SLC5A12: variants seen among roughly 807,000 people sequenced by gnomAD.
The protein encoded by SLC5A12 is solute carrier family 5 member 12, also known as sodium-coupled monocarboxylate transporter 2.
SLC5A12 carries 46 observed loss-of-function variants against 72.7 expected under a neutral mutation model. The observed-to-expected ratio is 0.63, with a 90% CI of 0.50 to 0.81. SLC5A12 has a LOEUF of 0.81. Ranked by LOEUF, SLC5A12 falls within the 30% of genes least tolerant of loss-of-function variation. The pLI is 0.00. For missense variants in SLC5A12, 683 were observed against 740.7 expected (o/e 0.92, Z 0.90); for synonymous variants, 275 against 264.4 (o/e 1.04, Z -0.39).
intron 9 of SLC5A12, among the ~76,000 whole-genome samples, chr11:26,689,165 G>A (rs1854606720): frequency 6.6e-6 from 1 of 151,782 alleles, no homozygotes; most frequent in Admixed American, 6.6e-5. Flanking sequence ...GGAGGCCTAG[G>A]CAGGCGGATC....
At chr11:26,686,635 C>A in intron 9 of SLC5A12, 91 bp from the exon 10 acceptor site, 1 of 1,151,504 alleles carries the variant, frequency 8.7e-7, no homozygotes, top group South Asian at 1.3e-5. Flanking sequence ...TGTCTCTGAT[C>A]CAAGCCCTTT....
chr11:26,674,603 A>G (rs1399109773), intron 13 of SLC5A12, among the ~76,000 whole-genome samples: 1 of 152,012 alleles, frequency 6.6e-6, no homozygotes, highest in Non-Finnish European at 1.5e-5. Context: ...GGATTTCACC[A>G]TGTTGGCCAA....
intron 9 of SLC5A12, among the ~76,000 whole-genome samples, chr11:26,689,572 A>G (rs1334768322): frequency 1.3e-5 from 2 of 152,188 alleles, no homozygotes; most frequent in Non-Finnish European, 2.9e-5. Context: ...TGAAGGTCAC[A>G]TATCCTGATA....
chr11:26,676,573 C>A (rs775108927), intron 13 of SLC5A12, among the ~76,000 whole-genome samples: 2 of 151,980 alleles, frequency 1.3e-5, no homozygotes, highest in African/African-American at 2.4e-5. Context: ...TATATACTGT[C>A]CTGATAATGG....
intron 4 of SLC5A12, among the ~76,000 whole-genome samples, chr11:26,706,704 T>C (rs930986069): frequency 2.6e-5 from 4 of 151,820 alleles, no homozygotes; most frequent in African/African-American, 9.7e-5. Context: ...AATTCAAGGA[T>C]GATAAAACAT....
chr11:26,693,055 T>C (rs1280961702), intron 8 of SLC5A12, among the ~76,000 whole-genome samples: 1 of 152,194 alleles, frequency 6.6e-6, no homozygotes, highest in Non-Finnish European at 1.5e-5. Context: ...GTATCAAGCA[T>C]ACAATGGTGA....
At chr11:26,693,366 A>G (rs536346360) in intron 8 of SLC5A12, among the ~76,000 whole-genome samples, 189 of 152,320 alleles carry the variant, frequency 1.2e-3, no homozygotes, top group African/African-American at 4.4e-3. Flanking sequence ...GAATGATATT[A>G]TAACAGTAAA....
chr11:26,671,169 T>C lies in SLC5A12; in HGVS notation c.1790A>G (p.His597Arg), dbSNP rs1013534791. 9.9e-6 allele frequency: 16 copies of C among 1,612,922 alleles called. No individual in the cohort carries two copies. Among genetic ancestry groups the C allele is most frequent in the South Asian group, 4.4e-5 (4 of 90,944 alleles). ...GTCCTTAGGATCATAGCCTGGAACA[T>C]GTACCAGGCTTTCTCTTCTGAGTCC... ...QNGLRRESLV[H>R]VPGYDPKDKS... Residue 597 changes from histidine to arginine, a missense_variant, in exon 15 of 15, where the codon CAT (histidine) becomes CGT (arginine). Coordinates refer to ENST00000396005, the MANE Select transcript of SLC5A12 (RefSeq NM_178498.4).
chr11:26,682,113 C>T (rs1321892951), intron 11 of SLC5A12, among the ~76,000 whole-genome samples: 1 of 151,696 alleles, frequency 6.6e-6, no homozygotes, highest in Non-Finnish European at 1.5e-5. Flanking sequence ...ACTCAGTTCT[C>T]TTATGGCATG....
At chr11:26,715,949 T>C (rs1701327062) in intron 1 of SLC5A12, among the ~76,000 whole-genome samples, 1 of 152,184 alleles carries the variant, frequency 6.6e-6, no homozygotes, top group Admixed American at 6.5e-5. Context: ...TGCAGAATTG[T>C]GAAAAACTAA....
intron 13 of SLC5A12, 51 bp downstream of exon 13, chr11:26,678,661 A>T: frequency 3.0e-6 from 4 of 1,325,458 alleles, no homozygotes; most frequent in Non-Finnish European, 4.3e-6. Context: ...CCACCAATGC[A>T]TGCATGAGCC....
intron 1 of SLC5A12, 123 bp from the exon 2 acceptor site, chr11:26,712,829 T>TA: frequency 4.3e-6 from 2 of 465,436 alleles, no homozygotes; most frequent in Non-Finnish European, 3.8e-6. Context: ...TTATGATATG[T>TA]ATCCTTAGAA....
intron 4 of SLC5A12, among the ~76,000 whole-genome samples, chr11:26,707,658 T>C (rs1365564359): frequency 6.6e-6 from 1 of 151,974 alleles, no homozygotes; most frequent in Non-Finnish European, 1.5e-5. Context: ...ATTACATTCT[T>C]TATTTATTTC....
intron 1 of SLC5A12, among the ~76,000 whole-genome samples, chr11:26,720,775 C>A (rs1243295192): frequency 6.7e-6 from 1 of 149,406 alleles, no homozygotes; most frequent in East Asian, 2.0e-4. Flanking sequence ...TAAATAATTC[C>A]CATATTTGTA....
Position 26,672,734 on chromosome 11 carries a change from T to C in SLC5A12, c.1707+668A>G, listed in dbSNP as rs571228867. 2.0e-5 allele frequency among the ~76,000 whole-genome samples: 3 copies of C among 152,270 alleles called. No individual in the cohort carries two copies. The East Asian group carries it at 5.8e-4, about 29-fold the overall frequency. ...GCTCTTTCTGGTGGTCTTTGGCTGATGAAACCTTAATAGAACTTGGACAGT... is the reference window on the plus strand; with the variant it reads ...GCTCTTTCTGGTGGTCTTTGGCTGACGAAACCTTAATAGAACTTGGACAGT... On this transcript the variant is annotated intron_variant, in intron 14 of 14. Transcript: ENST00000396005.
At chr11:26,679,483 A>T (rs1295631494) in intron 12 of SLC5A12, among the ~76,000 whole-genome samples, 1 of 152,122 alleles carries the variant, frequency 6.6e-6, no homozygotes, top group African/African-American at 2.4e-5. Context: ...AGAAAATGAA[A>T]CTCAAAGACA....
chr11:26,671,412 A>G (rs562654363), intron 14 of SLC5A12, among the ~76,000 whole-genome samples, 161 bp from the exon 15 acceptor site: 2 of 152,282 alleles, frequency 1.3e-5, no homozygotes, highest in South Asian at 2.1e-4. Context: ...GATAACTTTG[A>G]TAATCCACGT....
At chr11:26,693,636 A>T (rs937080906) in intron 8 of SLC5A12, among the ~76,000 whole-genome samples, 1 of 152,210 alleles carries the variant, frequency 6.6e-6, no homozygotes, top group South Asian at 2.1e-4. Context: ...AATCACAACT[A>T]TGAGAAAAAA....
Position 26,678,813 on chromosome 11 carries a change from G to C in SLC5A12, c.1478C>G (p.Pro493Arg), listed in dbSNP as rs772726143. 6.2e-7 allele frequency: 1 copy of C among 1,608,748 alleles called. No homozygotes were observed. Among genetic ancestry groups the C allele is most frequent in the South Asian group, 1.1e-5 (1 of 90,884 alleles). Reference sequence around the variant, plus strand: ...CGAGTACCAGGTATCAGCTATTCCAGGTCTGTGGAGAACAGCACATGTCAC... The same window carrying C: ...CGAGTACCAGGTATCAGCTATTCCACGTCTGTGGAGAACAGCACATGTCAC... ...ATGPPVLSSRPGIADTWYSIS... is the reference protein window; with the variant it reads ...ATGPPVLSSRRGIADTWYSIS... The change falls in exon 13 of 15, where the codon CCT (proline) becomes CGT (arginine). Residue 493 changes from proline to arginine, a missense_variant and splice_region_variant. Coordinates refer to ENST00000396005, the MANE Select transcript of SLC5A12 (RefSeq NM_178498.4).
Sources: allele counts gnomAD v4.1 joint callset (sites outside exome capture counted in the v4.1 genomes callset), GRCh38; gene constraint gnomAD v4.1.1; transcripts MANE v1.5; gene names NCBI Gene and HGNC (gene_info 2026-07-23, HGNC 2026-07-21).